The following OSBPL10 variants were observed in gnomAD, a reference collection of about 807,000 sequenced individuals.
OSBPL10 encodes the protein oxysterol binding protein like 10.
In OSBPL10, 49 loss-of-function variants were observed where a neutral mutation model predicts 81.7. The ratio of observed to expected loss-of-function variants is 0.60; its 90% CI spans 0.48 to 0.76. OSBPL10 has a LOEUF of 0.76. Among genes scored for constraint, OSBPL10 ranks in the 30% least tolerant of loss-of-function variants. The probability of loss-of-function intolerance (pLI) is 0.00; values close to 1 mark genes in which losing one functional copy is unlikely to be tolerated. For synonymous variants in OSBPL10, 419 were observed against 383.6 expected (o/e 1.09, Z -1.08); for missense variants, 923 against 987.8 (o/e 0.93, Z 0.88).
chr3:31,837,569 C>G (rs1445076863), intron 3 of OSBPL10, among the ~76,000 whole-genome samples: 4 of 150,556 alleles, frequency 2.7e-5, no homozygotes, highest in Non-Finnish European at 5.9e-5. Flanking sequence ...AACAAGAATT[C>G]CACTACCACT....
In OSBPL10 at chr3:31,751,143, C is replaced by CA. The variant is rs571689457; in HGVS notation, c.730-3024dup. Among the ~76,000 whole-genome samples the CA allele has an allele frequency of 2.0e-3, 309 of 151,308 alleles. 1 individual carries two copies. Among genetic ancestry groups the CA allele is most frequent in the East Asian group, 6.0e-3 (31 of 5,144 alleles). ...CAACATAACAAAACCACATCCCTAC[C>CA]AAAAAAAACAACAAAAACAAACAAA... On this transcript the variant is annotated intron_variant, in intron 4 of 11. Coordinates refer to ENST00000396556, the MANE Select transcript of OSBPL10 (RefSeq NM_017784.5).
At chr3:31,998,569 T>G (rs1311749451) in intron 2 of OSBPL10, among the ~76,000 whole-genome samples, 1 of 152,250 alleles carries the variant, frequency 6.6e-6, no homozygotes. Flanking sequence ...AAATTCCAGT[T>G]TCCTTATCTG....
intron 3 of OSBPL10, among the ~76,000 whole-genome samples, chr3:31,835,193 G>A (rs935889780): frequency 1.3e-4 from 19 of 151,638 alleles, no homozygotes; most frequent in African/African-American, 3.9e-4. Context: ...CACTTGCTTC[G>A]GAGAAAAAAA....
chr3:31,981,426 G>T, upstream of OSBPL10: 1 of 528,820 alleles, frequency 1.9e-6, no homozygotes, highest in Non-Finnish European at 2.9e-6. This position sits in a 1 kb window ranked among gnomAD's most constrained non-coding sequence, Gnocchi z 4.5. Flanking sequence ...CCCTCCCTCC[G>T]CACTAGTTTC....
At chr3:31,956,966 C>G (rs1698027710) in intron 1 of OSBPL10, among the ~76,000 whole-genome samples, 1 of 144,692 alleles carries the variant, frequency 6.9e-6, no homozygotes, top group African/African-American at 2.7e-5. Flanking sequence ...AACCCCATCT[C>G]TATAAAAAAT....
At chr3:31,907,518 T>C (rs1696443225) in intron 1 of OSBPL10, among the ~76,000 whole-genome samples, 1 of 146,340 alleles carries the variant, frequency 6.8e-6, no homozygotes. Context: ...TCCCAGCTAC[T>C]TGGGAAGCTA....
At chr3:31,981,345 G>A, upstream of OSBPL10, 1 of 1,198,474 alleles carries the variant, frequency 8.3e-7, no homozygotes, top group Non-Finnish European at 1.0e-6. The surrounding 1 kb of genome is among the most constrained non-coding windows in gnomAD (Gnocchi z 4.5). Context: ...GCGAAGGAGA[G>A]CTGGGAAGGA....
intron 1 of OSBPL10, among the ~76,000 whole-genome samples, chr3:31,976,720 G>C (rs1279789870): frequency 1.3e-5 from 2 of 152,134 alleles, no homozygotes; most frequent in Non-Finnish European, 2.9e-5. Flanking sequence ...GCCTCCCAAA[G>C]TGCTGGGATT....
At chr3:31,882,142 G>A (rs1010100045) in intron 1 of OSBPL10, among the ~76,000 whole-genome samples, 4 of 152,194 alleles carry the variant, frequency 2.6e-5, no homozygotes, top group Non-Finnish European at 5.9e-5. Context: ...GGAGCAAGTC[G>A]CAGCCATCTC....
chr3:31,664,052 G>A (rs368049417), intron 11 of OSBPL10, 27 bp downstream of exon 11: 402 of 1,614,012 alleles, frequency 2.5e-4, no homozygotes, highest in Non-Finnish European at 3.2e-4. Context: ...TCCTGGGCAA[G>A]GGACCAATGA....
At chr3:31,795,009 GC>G (rs2125434113) in intron 4 of OSBPL10, 1 of 253,584 alleles carries the variant, frequency 3.9e-6, no homozygotes. Context: ...AGAACTTCTT[GC>G]CCAGCTTGGG....
At chr3:31,685,120 T>C (rs757351831) in intron 7 of OSBPL10, among the ~76,000 whole-genome samples, 5 of 152,228 alleles carry the variant, frequency 3.3e-5, no homozygotes, top group Non-Finnish European at 5.9e-5. Flanking sequence ...CATAACTCAT[T>C]ACTGCTACTG....
At chr3:31,690,319 C>A (rs1036565536) in intron 7 of OSBPL10, among the ~76,000 whole-genome samples, 1 of 152,162 alleles carries the variant, frequency 6.6e-6, no homozygotes, top group East Asian at 1.9e-4. Context: ...TCCCCTTCGC[C>A]TTCTGCCATG....
At chr3:31,985,487 G>C (rs1698921970), upstream of OSBPL10, among the ~76,000 whole-genome samples, 1 of 152,138 alleles carries the variant, frequency 6.6e-6, no homozygotes, top group Non-Finnish European at 1.5e-5. Flanking sequence ...TTCCTAGTAG[G>C]GAGCTGACTA....
At chr3:32,039,634 G>T (rs950873976) in intron 2 of OSBPL10, among the ~76,000 whole-genome samples, 13 of 151,866 alleles carry the variant, frequency 8.6e-5, no homozygotes, top group Non-Finnish European at 1.6e-4. Context: ...ACTCCAGCCT[G>T]GGTGACAGAG....
chr3:31,857,816 A>AAGGGAG (rs369541794), intron 3 of OSBPL10, among the ~76,000 whole-genome samples: 1 of 7,800 alleles, frequency 1.3e-4, no homozygotes, highest in Admixed American at 1.9e-3. Flanking sequence ...GAGAGAGAGA[A>AAGGGAG]AGGGAGAGGG....
intron 4 of OSBPL10, among the ~76,000 whole-genome samples, chr3:31,806,791 G>A (rs1325929301): frequency 1.3e-5 from 2 of 152,010 alleles, no homozygotes; most frequent in Non-Finnish European, 2.9e-5. Context: ...GAGGAAGTTG[G>A]GGGGTGGGGG....
At chr3:32,000,642 C>T (rs1575083000) in intron 2 of OSBPL10, among the ~76,000 whole-genome samples, 1 of 152,198 alleles carries the variant, frequency 6.6e-6, no homozygotes, top group Non-Finnish European at 1.5e-5. Flanking sequence ...TTCCTCGTGA[C>T]GGTTGTTCCT....
intron 4 of OSBPL10, among the ~76,000 whole-genome samples, chr3:31,828,977 T>C (rs61046282): frequency 0.024 from 3,724 of 152,268 alleles, 103 homozygotes; most frequent in African/African-American, 0.061. Flanking sequence ...AAAAAAAAAT[T>C]GTCTTTCATA....
Sources: allele counts gnomAD v4.1 joint callset (sites outside exome capture counted in the v4.1 genomes callset), GRCh38; gene constraint gnomAD v4.1.1; non-coding constraint Gnocchi (gnomAD v3.1); transcripts MANE v1.5; gene names NCBI Gene and HGNC (gene_info 2026-07-23, HGNC 2026-07-21).